The following UVSSA variants were observed in gnomAD, a reference collection of about 807,000 sequenced individuals.
The protein encoded by UVSSA is UV stimulated scaffold protein A.
In UVSSA, 72 loss-of-function variants were observed where a neutral mutation model predicts 73.9. The ratio of observed to expected loss-of-function variants is 0.97; its 90% CI spans 0.81 to 1.19. UVSSA has a LOEUF of 1.19. Ranked by LOEUF, UVSSA falls within the 50% of genes most tolerant of loss-of-function variation. The pLI is 0.00. For missense variants in UVSSA, 1,150 were observed against 965.0 expected, an observed-to-expected ratio of 1.19 and a Z score of -2.54; for synonymous variants, 454 against 391.3, an observed-to-expected ratio of 1.16 and a Z score of -1.89.
intron 1 of UVSSA, 76 bp downstream of exon 1, chr4:1,347,836 G>T: frequency 2.4e-6 from 1 of 417,684 alleles, no homozygotes; most frequent in East Asian, 4.3e-5. Context: ...TTTAACGCAC[G>T]ACCCTCAATG....
At chr4:1,346,712 G>C (rs1373137877), upstream of UVSSA, among the ~76,000 whole-genome samples, 1 of 152,014 alleles carries the variant, frequency 6.6e-6, no homozygotes, top group Non-Finnish European at 1.5e-5. Flanking sequence ...GGTCCTCACC[G>C]GCCCTCTGCA....
intron 13 of UVSSA, chr4:1,384,278 G>A: frequency 6.3e-6 from 2 of 319,978 alleles, no homozygotes; most frequent in South Asian, 4.2e-5. Flanking sequence ...CCCTTGCCTG[G>A]CTGTACCCCC....
intron 13 of UVSSA, 155 bp downstream of exon 13, chr4:1,384,095 C>T (rs575140130): frequency 2.6e-5 from 25 of 947,482 alleles, no homozygotes; most frequent in African/African-American, 1.2e-4. Context: ...AGCCTTTCCC[C>T]GGGGAGGGGC....
At position 1,376,155 on chromosome 4, in the gene UVSSA, G is replaced by A. The variant is rs747455571; in HGVS notation, c.1555G>A (p.Gly519Arg). The A allele has an allele frequency of 1.1e-5, 18 of 1,609,888 alleles. No homozygotes were observed. The highest frequency in any genetic ancestry group is 9.9e-5 in the South Asian group (9 of 90,604). The change falls in exon 10 of 14, where the codon GGG (glycine) becomes AGG (arginine). Residue 519 changes from glycine to arginine, a missense_variant. Gly to Arg is a moderately radical substitution (Grantham distance 125). Transcript: ENST00000389851. The part of the protein sequence containing the change: ...HYWGQELPTA[G>R]KIVKSDSQHR... Reference sequence around the variant, plus strand: ...CTGGGGCCAGGAGCTCCCCACAGCCGGGAAGATTGTCAAGTGAGTCCCCAT... The same window carrying A: ...CTGGGGCCAGGAGCTCCCCACAGCCAGGAAGATTGTCAAGTGAGTCCCCAT...
intron 7 of UVSSA, chr4:1,358,151 A>C: frequency 6.7e-6 from 1 of 149,156 alleles, no homozygotes; most frequent in African/African-American, 2.5e-5. Context: ...GTCCTTCCTC[A>C]CTCCTGCTGG....
At chr4:1,355,883 G>T (rs950765728) in intron 7 of UVSSA, among the ~76,000 whole-genome samples, 3 of 152,164 alleles carry the variant, frequency 2.0e-5, no homozygotes, top group Non-Finnish European at 4.4e-5. Flanking sequence ...GCCGTTCGAG[G>T]GTGGGGGTGC....
chr4:1,392,975 T>C (rs372371437), downstream of UVSSA: 68 of 152,322 alleles, frequency 4.5e-4, no homozygotes, highest in African/African-American at 1.5e-3. Flanking sequence ...CAGCGCTCCA[T>C]TGTGGTTCTG....
At chr4:1,368,432 G>A (rs1401578611) in intron 8 of UVSSA, among the ~76,000 whole-genome samples, 1 of 152,226 alleles carries the variant, frequency 6.6e-6, no homozygotes, top group African/African-American at 2.4e-5. Flanking sequence ...AGAACAGAGC[G>A]GTCTCCTTTC....
intron 7 of UVSSA, among the ~76,000 whole-genome samples, chr4:1,363,709 G>A (rs984653130): frequency 5.9e-5 from 9 of 152,190 alleles, no homozygotes; most frequent in Non-Finnish European, 1.3e-4. Flanking sequence ...TTATTCAGAC[G>A]TGATGGATCG....
At chr4:1,357,667 C>T (rs1715982920) in intron 7 of UVSSA, among the ~76,000 whole-genome samples, 1 of 152,176 alleles carries the variant, frequency 6.6e-6, no homozygotes, top group Non-Finnish European at 1.5e-5. Flanking sequence ...TGCAGACTCC[C>T]CCTGTGTGCC....
At chr4:1,383,666 C>T (rs1719758164) in intron 12 of UVSSA, 100 bp from the exon 13 acceptor site, 2 of 1,479,942 alleles carry the variant, frequency 1.4e-6, no homozygotes, top group African/African-American at 1.4e-5. Flanking sequence ...CGACCCAGCC[C>T]CCCTGTCAGG....
At position 1,375,339 on chromosome 4, in the gene UVSSA, G is replaced by C. The variant is rs1718629763; in HGVS notation, c.1289-25G>C. 9 of 1,611,346 alleles carry C rather than the reference G, an allele frequency of 5.6e-6. 1 individual carries two copies. Among genetic ancestry groups the C allele is most frequent in the Non-Finnish European group, 3.4e-6 (4 of 1,178,554 alleles). On this transcript the variant is annotated intron_variant, in intron 8 of 13. Transcript: ENST00000389851. ...CTGGCGGGTTGTGGGAGTGGTGGCA[G>C]GGAGTGGACACGTGTCTGTTTCAGG...
intron 12 of UVSSA, among the ~76,000 whole-genome samples, chr4:1,381,540 A>C (rs888372845): frequency 1.4e-4 from 22 of 151,836 alleles, no homozygotes; most frequent in Non-Finnish European, 2.5e-4. Context: ...CCATCTGCCC[A>C]CCCTGTCTCA....
At chr4:1,382,864 GA>G (rs1196023306) in intron 12 of UVSSA, among the ~76,000 whole-genome samples, 2 of 152,218 alleles carry the variant, frequency 1.3e-5, no homozygotes, top group African/African-American at 4.8e-5. Context: ...CTGTCTGCAG[GA>G]GCGGGTGCCT....
chr4:1,343,434 G>C (rs1246465244), upstream of UVSSA, among the ~76,000 whole-genome samples: 1 of 152,020 alleles, frequency 6.6e-6, no homozygotes, highest in Admixed American at 6.6e-5. Flanking sequence ...GGTAGGCAGG[G>C]GCCACAATTC....
downstream of UVSSA, chr4:1,388,953 T>A (rs1469332179): frequency 6.6e-6 from 1 of 152,204 alleles, no homozygotes; most frequent in Non-Finnish European, 1.5e-5. Context: ...TAGATTGAGG[T>A]GGGAAGTGTT....
In UVSSA at chr4:1,380,667, C is replaced by T. The variant is rs536006830; in HGVS notation, c.1753-213C>T. 3.8e-5 allele frequency: 58 copies of T among 1,534,008 alleles called. No individual in the cohort carries two copies. The African/African-American group carries it at 5.2e-4, about 14-fold the overall frequency. ...CTTTCCACAGCTGCCCAAGACCTTC[C>T]GGCTCCAGAGGAGGGACGGAGCCAT... On this transcript the variant is annotated intron_variant, in intron 11 of 13. Coordinates refer to ENST00000389851, the MANE Select transcript of UVSSA (RefSeq NM_020894.4).
chr4:1,343,047 A>G (rs1310590485), upstream of UVSSA, among the ~76,000 whole-genome samples: 1 of 152,084 alleles, frequency 6.6e-6, no homozygotes, highest in African/African-American at 2.4e-5. Flanking sequence ...TGGGATTGTC[A>G]CTGGAACTGC....
chr4:1,356,421 C>T (rs527523013), intron 7 of UVSSA, among the ~76,000 whole-genome samples: 3 of 152,308 alleles, frequency 2.0e-5, no homozygotes, highest in Admixed American at 6.5e-5. Context: ...CCTTTAAGTC[C>T]GAAACTGACT....
Sources: gnomAD v4.1 joint callset for allele counts (sites outside exome capture counted in the v4.1 genomes callset) on GRCh38, gnomAD v4.1.1 for gene constraint, MANE v1.5 for transcripts, NCBI Gene and HGNC (gene_info 2026-07-23, HGNC 2026-07-21) for gene names.